The following RTL6 variants were observed in gnomAD, a reference collection of about 807,000 sequenced individuals.
The protein encoded by RTL6 is retrotransposon Gag like 6, also known as retrotransposon Gag-like protein 6.
Under a neutral mutation model 12.4 loss-of-function variants are expected in RTL6, and 9 were observed. That is an observed-to-expected ratio of 0.73 (90% CI 0.44 to 1.27). RTL6 has a LOEUF of 1.27. Ranked by LOEUF, RTL6 falls within the 50% of genes most tolerant of loss-of-function variation. The probability of loss-of-function intolerance (pLI) is 0.00; values close to 1 mark genes in which losing one functional copy is unlikely to be tolerated. For synonymous variants in RTL6, 160 were observed against 142.8 expected (o/e 1.12, Z -0.86); for missense variants, 291 against 330.7 (o/e 0.88, Z 0.93).
At position 44,497,880 on chromosome 22, in the gene RTL6, C is replaced by T. The variant is rs183976586; in HGVS notation, c.-255-69G>A. ...TAGCGGGCAGGAGGGTGAGGGGCGG[C>T]GTGGAGGGCCCGCGCGTGGGTGGCG... On this transcript the variant is annotated intron_variant, in intron 1 of 1. Coordinates refer to ENST00000341255, the MANE Select transcript of RTL6 (RefSeq NM_032287.3). The T allele has an allele frequency of 2.9e-3, 734 of 249,626 alleles. 5 individuals carry two copies. The highest frequency in any genetic ancestry group is 0.011 in the East Asian group (115 of 10,650). The allele number at this position is 249,626 out of a possible 1,614,324, so 15.5% of individuals were successfully genotyped here.
chr22:44,495,690 G>A lies in RTL6; in HGVS notation c.*1147C>T, dbSNP rs1021361694. 3 of 152,108 alleles carry A rather than the reference G, an allele frequency of 2.0e-5. No individual in the cohort carries two copies. Among genetic ancestry groups the A allele is most frequent in the African/African-American group, 7.3e-5 (3 of 41,376 alleles). The allele number at this position is 152,108 out of a possible 1,614,324, so 9.4% of individuals were successfully genotyped here. On this transcript the variant is annotated 3_prime_UTR_variant, in exon 2 of 2. Transcript: ENST00000341255. ...CCCCCGGCCTTAAGTGCTTAAGGAT[G>A]TTTCCCGAAGGGAGTCTGTTTTCCC...
Position 44,496,812 on chromosome 22 carries a change from G to A in RTL6, c.*25C>T, listed in dbSNP as rs764153735. Reference sequence around the variant, plus strand: ...AGCGTATGCTACCTGGGTGGCTGCAGACGCTACCAAGTGCTGGCGGATTCT... The same window carrying A: ...AGCGTATGCTACCTGGGTGGCTGCAAACGCTACCAAGTGCTGGCGGATTCT... On this transcript the variant is annotated 3_prime_UTR_variant, in exon 2 of 2. Transcript: ENST00000341255. 6.5e-7 allele frequency: 1 copy of A among 1,531,336 alleles called. No individual in the cohort carries two copies. Among genetic ancestry groups the A allele is most frequent in the Non-Finnish European group, 8.8e-7 (1 of 1,140,240 alleles). The allele number at this position is 1,531,336 out of a possible 1,614,324, so 94.9% of individuals were successfully genotyped here.
In RTL6 at chr22:44,497,056, C is replaced by G. The variant is rs1251595746; in HGVS notation, c.501G>C (p.Gln167His). The G allele has an allele frequency of 6.2e-7, 1 of 1,614,102 alleles. No homozygotes were observed. The highest frequency in any genetic ancestry group is 1.1e-5 in the South Asian group (1 of 91,090). ...QPDSPLRNNY[Q>H]GFLAELRRTY... ...TTCTCCGCAACTCTGCCAGGAACCCCTGATAGTTGTTGCGCAAGGGGCTGT... is the reference window on the plus strand; with the variant it reads ...TTCTCCGCAACTCTGCCAGGAACCCGTGATAGTTGTTGCGCAAGGGGCTGT... The change falls in exon 2 of 2, where the codon CAG becomes CAC. Residue 167 changes from glutamine to histidine, a missense_variant. Physicochemically the swap from Gln to His is conservative, Grantham distance 24 (BLOSUM62 0). Coordinates refer to ENST00000341255, the MANE Select transcript of RTL6 (RefSeq NM_032287.3).
In RTL6 at chr22:44,494,305, C is replaced by G. The variant is rs377133121; in HGVS notation, c.*2532G>C. ...TATGTACAAAGCATCTCCCTTCCCC[C>G]ACTTTCTTAGCCTGATCCCCTATCA... On this transcript the variant is annotated 3_prime_UTR_variant, in exon 2 of 2. Transcript: ENST00000341255. The G allele has an allele frequency of 3.3e-5, 5 of 152,280 alleles. No homozygotes were observed. The East Asian group carries it at 5.8e-4, about 18-fold the overall frequency. 9.4% of individuals were successfully genotyped at this position (152,280 alleles called of 1,614,324 possible).
At position 44,496,759 on chromosome 22, in the gene RTL6, G is replaced by A. The variant is rs1022402266; in HGVS notation, c.*78C>T. The stretch of plus-strand genomic sequence containing the variant: ...GTCTTCAAACAGGGGCAAAGCTGTC[G>A]TATGGGCATTTCTTCTACACAGCAA... On this transcript the variant is annotated 3_prime_UTR_variant, in exon 2 of 2. Coordinates refer to ENST00000341255, the MANE Select transcript of RTL6 (RefSeq NM_032287.3). The A allele has an allele frequency of 6.7e-6, 10 of 1,482,736 alleles. No individual in the cohort carries two copies. The highest frequency in any genetic ancestry group is 2.8e-5 in the African/African-American group (2 of 71,068). 91.8% of individuals were successfully genotyped at this position (1,482,736 alleles called of 1,614,324 possible).
In RTL6 at chr22:44,493,070, G is replaced by A. The variant is rs1650555114; in HGVS notation, c.*3767C>T. ...TGGCACAATGGTCCATCTAGTCAAT[G>A]GGAGAGTACACAGCCACTCCAAAAT... On this transcript the variant is annotated 3_prime_UTR_variant, in exon 2 of 2. Coordinates refer to ENST00000341255, the MANE Select transcript of RTL6 (RefSeq NM_032287.3). The A allele has an allele frequency of 6.6e-6, 1 of 152,152 alleles. No homozygotes were observed. The allele number at this position is 152,152 out of a possible 1,614,324, so 9.4% of individuals were successfully genotyped here. A position where few individuals can be genotyped will look rare whatever the true frequency, so the allele number is the denominator to read the frequency against.
In RTL6 at chr22:44,497,197, G is replaced by A; in HGVS notation, c.360C>T (p.Asp120=). 3 of 1,614,150 alleles carry A rather than the reference G, an allele frequency of 1.9e-6. No homozygotes were observed. The highest frequency in any genetic ancestry group is 4.5e-5 in the East Asian group (2 of 44,854). ...GGGAGGCCTGGAAGATCATGAATCT[G>A]TCCATCTGCATCAGGAACCCCGCCA... ...GRLAGFLMQM[D]RFMIFQASRF... The change falls in exon 2 of 2, where the codon GAC becomes GAT. Residue 120 remains aspartate (D), a synonymous_variant. Coordinates refer to ENST00000341255, the MANE Select transcript of RTL6 (RefSeq NM_032287.3).
At position 44,497,733 on chromosome 22, in the gene RTL6, G is replaced by T; in HGVS notation, c.-177C>A. 1 of 801,016 alleles carries T rather than the reference G, an allele frequency of 1.2e-6. No individual in the cohort carries two copies. The highest frequency in any genetic ancestry group is 2.0e-6 in the Non-Finnish European group (1 of 508,926). 49.6% of individuals were successfully genotyped at this position (801,016 alleles called of 1,614,324 possible). ...GCGGTGCCAGGCCCTAGGGACTTCG[G>T]CCCCGGTCCCACGCGGCTCCTTTAC... On this transcript the variant is annotated 5_prime_UTR_variant, in exon 2 of 2. Transcript: ENST00000341255.
At position 44,495,042 on chromosome 22, in the gene RTL6, C is replaced by T. The variant is rs1017477584; in HGVS notation, c.*1795G>A. 11 of 152,776 alleles carry T rather than the reference C, an allele frequency of 7.2e-5. No individual in the cohort carries two copies. The highest frequency in any genetic ancestry group is 2.1e-4 in the South Asian group (1 of 4,838). The allele number at this position is 152,776 out of a possible 1,614,324, so 9.5% of individuals were successfully genotyped here. On this transcript the variant is annotated 3_prime_UTR_variant, in exon 2 of 2. Transcript: ENST00000341255. ...GTGGCCCTGCTGTGTGTCTTCCCTC[C>T]GATCACGCTTAAAGAGCACCATGGT... is the stretch of plus-strand genomic sequence containing the variant.
At position 44,496,562 on chromosome 22, in the gene RTL6, G is replaced by T; in HGVS notation, c.*275C>A. On this transcript the variant is annotated 3_prime_UTR_variant, in exon 2 of 2. Transcript: ENST00000341255. The stretch of plus-strand genomic sequence containing the variant: ...AGTCCCTGTGCCTAAGTAGCAGAGC[G>T]GTAGTCATTGAAACAGGCCGGGATG... The T allele has an allele frequency of 2.1e-6, 1 of 468,738 alleles. No individual in the cohort carries two copies. Among genetic ancestry groups the T allele is most frequent in the Non-Finnish European group, 3.8e-6 (1 of 265,294 alleles). The allele number at this position is 468,738 out of a possible 1,614,324, so 29.0% of individuals were successfully genotyped here. A position where few individuals can be genotyped will look rare whatever the true frequency, so the allele number is the denominator to read the frequency against.
At position 44,493,022 on chromosome 22, in the gene RTL6, T is replaced by C. The variant is rs1924345317; in HGVS notation, c.*3815A>G. ...CATCAATTTATAACTGAAAAGTTAG[T>C]AACAGCATTAGTGATTGGCAACTGG... On this transcript the variant is annotated 3_prime_UTR_variant, in exon 2 of 2. Coordinates refer to ENST00000341255, the MANE Select transcript of RTL6 (RefSeq NM_032287.3). 1.3e-5 allele frequency: 2 copies of C among 152,196 alleles called. No homozygotes were observed. Among genetic ancestry groups the C allele is most frequent in the South Asian group, 4.1e-4 (2 of 4,828 alleles). The allele number at this position is 152,196 out of a possible 1,614,324, so 9.4% of individuals were successfully genotyped here. A position where few individuals can be genotyped will look rare whatever the true frequency, so the allele number is the denominator to read the frequency against.
chr22:44,497,052 A>G lies in RTL6; in HGVS notation c.505T>C (p.Phe169Leu), dbSNP rs760581152. The change falls in exon 2 of 2, where the codon TTC (phenylalanine) becomes CTC (leucine). Residue 169 changes from phenylalanine to leucine, a missense_variant. Coordinates refer to ENST00000341255, the MANE Select transcript of RTL6 (RefSeq NM_032287.3). ...DSPLRNNYQGFLAELRRTYKS... is the reference protein window; with the variant it reads ...DSPLRNNYQGLLAELRRTYKS... ...TAGGTTCTCCGCAACTCTGCCAGGA[A>G]CCCCTGATAGTTGTTGCGCAAGGGG... The G allele has an allele frequency of 6.2e-7, 1 of 1,613,878 alleles. No homozygotes were observed. The highest frequency in any genetic ancestry group is 8.5e-7 in the Non-Finnish European group (1 of 1,179,964).
Position 44,497,717 on chromosome 22 carries a change from G to T in RTL6, c.-161C>A. 1 of 955,366 alleles carries T rather than the reference G, an allele frequency of 1.0e-6. No individual in the cohort carries two copies. Among genetic ancestry groups the T allele is most frequent in the Non-Finnish European group, 1.5e-6 (1 of 648,760 alleles). The allele number at this position is 955,366 out of a possible 1,614,324, so 59.2% of individuals were successfully genotyped here. A position where few individuals can be genotyped will look rare whatever the true frequency, so the allele number is the denominator to read the frequency against. ...CCCGAGAGAGGGGCACGCGGTGCCA[G>T]GCCCTAGGGACTTCGGCCCCGGTCC... is the stretch of plus-strand genomic sequence containing the variant. On this transcript the variant is annotated 5_prime_UTR_variant, in exon 2 of 2. It adds an upstream start codon to the 5' untranslated region. Transcript: ENST00000341255.
chr22:44,497,700 A>C lies in RTL6; in HGVS notation c.-144T>G, dbSNP rs991747483. The C allele has an allele frequency of 5.2e-6, 6 of 1,156,230 alleles. No homozygotes were observed. The highest frequency in any genetic ancestry group is 7.2e-6 in the Non-Finnish European group (6 of 830,674). The allele number at this position is 1,156,230 out of a possible 1,614,324, so 71.6% of individuals were successfully genotyped here. A position where few individuals can be genotyped will look rare whatever the true frequency, so the allele number is the denominator to read the frequency against. On this transcript the variant is annotated 5_prime_UTR_variant, in exon 2 of 2. Coordinates refer to ENST00000341255, the MANE Select transcript of RTL6 (RefSeq NM_032287.3). ...GACCCCCAAGCCGAGGGCCCGAGAG[A>C]GGGGCACGCGGTGCCAGGCCCTAGG...
In RTL6 at chr22:44,494,892, C is replaced by T. The variant is rs1314025645; in HGVS notation, c.*1945G>A. On this transcript the variant is annotated 3_prime_UTR_variant, in exon 2 of 2. Coordinates refer to ENST00000341255, the MANE Select transcript of RTL6 (RefSeq NM_032287.3). Reference sequence around the variant, plus strand: ...TCCAGGTGCCTTTTCCCAGGTGCCACTGTACCCCTTCACTTGGGGGCACCT... The same window carrying T: ...TCCAGGTGCCTTTTCCCAGGTGCCATTGTACCCCTTCACTTGGGGGCACCT... 6.5e-6 allele frequency: 1 copy of T among 152,680 alleles called. No individual in the cohort carries two copies. Among genetic ancestry groups the T allele is most frequent in the Non-Finnish European group, 1.5e-5 (1 of 68,116 alleles). The allele number at this position is 152,680 out of a possible 1,614,324, so 9.5% of individuals were successfully genotyped here. A position where few individuals can be genotyped will look rare whatever the true frequency, so the allele number is the denominator to read the frequency against.
rs1568999925 is a variant in RTL6, at chr22:44,496,807, C to G, written c.*30G>C. 6.5e-7 allele frequency: 1 copy of G among 1,530,054 alleles called. No individual in the cohort carries two copies. The highest frequency in any genetic ancestry group is 8.8e-7 in the Non-Finnish European group (1 of 1,139,694). The allele number at this position is 1,530,054 out of a possible 1,614,324, so 94.8% of individuals were successfully genotyped here. On this transcript the variant is annotated 3_prime_UTR_variant, in exon 2 of 2. Transcript: ENST00000341255. ...CAAAGAGCGTATGCTACCTGGGTGGCTGCAGACGCTACCAAGTGCTGGCGG... is the reference window on the plus strand; with the variant it reads ...CAAAGAGCGTATGCTACCTGGGTGGGTGCAGACGCTACCAAGTGCTGGCGG...
Position 44,496,128 on chromosome 22 carries a change from A to G in RTL6, c.*709T>C, listed in dbSNP as rs190070813. On this transcript the variant is annotated 3_prime_UTR_variant, in exon 2 of 2. Transcript: ENST00000341255. The stretch of plus-strand genomic sequence containing the variant: ...GCTCCATCAGAACACCAGCAGCTGA[A>G]GTCAGGCATTAACAGAGGTGCAACA... The G allele has an allele frequency of 4.7e-3, 719 of 152,562 alleles. 8 individuals carry two copies. Among genetic ancestry groups the G allele is most frequent in the Non-Finnish European group, 5.2e-3 (357 of 68,202 alleles). The allele number at this position is 152,562 out of a possible 1,614,324, so 9.5% of individuals were successfully genotyped here.
In RTL6 at chr22:44,495,752, GGGA is replaced by G. The variant is rs1924429312; in HGVS notation, c.*1082_*1084del. The G allele has an allele frequency of 6.6e-6, 1 of 152,312 alleles. No individual in the cohort carries two copies. Among genetic ancestry groups the G allele is most frequent in the Non-Finnish European group, 1.5e-5 (1 of 68,100 alleles). 9.4% of individuals were successfully genotyped at this position (152,312 alleles called of 1,614,324 possible). ...CAGCCCATCTGATTGCCCAGGCACG[GGGA>G]GTACATGCTACAAGGTGCCTTTGGA... On this transcript the variant is annotated 3_prime_UTR_variant, in exon 2 of 2. Coordinates refer to ENST00000341255, the MANE Select transcript of RTL6 (RefSeq NM_032287.3).
intron 1 of RTL6, 101 bp from the exon 2 acceptor site, chr22:44,497,912 C>CA (rs1924503031): frequency 5.1e-6 from 1 of 197,154 alleles, no homozygotes; most frequent in African/African-American, 2.4e-5. Flanking sequence ...GGCGAGGCTG[C>CA]ACAAAGCCCC....
Sources: allele counts gnomAD v4.1 joint callset, GRCh38; gene constraint gnomAD v4.1.1; transcripts MANE v1.5; gene names NCBI Gene and HGNC (gene_info 2026-07-23, HGNC 2026-07-21).